The following DAPK1 variants were observed in gnomAD, a reference collection of about 807,000 sequenced individuals.
DAPK1 encodes the protein death associated protein kinase 1, also known as death-associated protein kinase 1.
Under a neutral mutation model 144.9 loss-of-function variants are expected in DAPK1, and 56 were observed. The ratio of observed to expected loss-of-function variants is 0.39; its 90% confidence interval spans 0.31 to 0.48. The LOEUF is 0.48. DAPK1 is among the 20% of genes least tolerant of loss of function. The pLI, the probability that DAPK1 is intolerant of heterozygous loss-of-function variation, is 0.95. For missense variants in DAPK1, 1,454 were observed against 1,875.4 expected (o/e 0.78, Z 4.15); for synonymous variants, 690 against 749.0 (o/e 0.92, Z 1.29).
intron 2 of DAPK1, chr9:87,525,466 G>A (rs1322160379): frequency 6.3e-7 from 1 of 1,579,058 alleles, no homozygotes; most frequent in African/African-American, 1.3e-5. Context: ...GTTTCATTAA[G>A]TTGGACTAAA....
intron 2 of DAPK1, among the ~76,000 whole-genome samples, chr9:87,544,678 C>T (rs568313151): frequency 6.6e-6 from 1 of 152,144 alleles, no homozygotes; most frequent in Non-Finnish European, 1.5e-5. Flanking sequence ...CCCTACAGTC[C>T]TTTTTCTCGG....
rs1316250449 is a variant in DAPK1 at position 87,569,429 on chromosome 9, TCATCGCAGGTGCC to T, written c.63-35521_63-35509del. Among the ~76,000 whole-genome samples, 3 of 152,376 alleles carry T rather than the reference TCATCGCAGGTGCC, an allele frequency of 2.0e-5. No individual in the cohort carries two copies. In the East Asian group the frequency reaches 5.8e-4, roughly 29 times the overall value. On this transcript the variant is annotated intron_variant, in intron 2 of 25. Coordinates refer to ENST00000408954, the MANE Select transcript of DAPK1 (RefSeq NM_004938.4). ...TCAGGTGATCATTGACTTATGTGCTTCATCGCAGGTGCCCATATAGAAATACGCAGATAGGTTA... is the reference window on the plus strand; with the variant it reads ...TCAGGTGATCATTGACTTATGTGCTTCATATAGAAATACGCAGATAGGTTA...
At chr9:87,663,820 T>C (rs537699524) in intron 18 of DAPK1, among the ~76,000 whole-genome samples, 32 of 152,210 alleles carry the variant, frequency 2.1e-4, no homozygotes, top group Non-Finnish European at 3.8e-4. Flanking sequence ...TCCCCAGTGT[T>C]CAGCCTCTGC....
At chr9:87,574,625 G>C (rs1827474971) in intron 2 of DAPK1, among the ~76,000 whole-genome samples, 1 of 152,160 alleles carries the variant, frequency 6.6e-6, no homozygotes, top group Admixed American at 6.5e-5. Context: ...ATCTAAATTT[G>C]AAGGTAGAAG....
At chr9:87,499,244 C>T (rs1326486890) in intron 2 of DAPK1, 105 bp downstream of exon 2, 18 of 1,028,364 alleles carry the variant, frequency 1.8e-5, no homozygotes, top group African/African-American at 3.2e-5. Context: ...TCTCCCTCGC[C>T]CTTTCTGGAG....
rs753099755 is a variant in DAPK1 at position 87,648,812 on chromosome 9, G to A, written c.1361G>A (p.Arg454His). 5 of 1,614,222 alleles carry A rather than the reference G, an allele frequency of 3.1e-6. No homozygotes were observed. The South Asian group carries it at 3.3e-5, about 11-fold the overall frequency. ...SGEMALHVAA[R>H]YGHADVAQLL... ...GAGATGGCCCTCCACGTGGCAGCTC[G>A]CTATGGCCATGCTGACGTGGCTCAG... Residue 454 changes from arginine to histidine, a missense_variant, in exon 15 of 26, where the codon CGC (arginine) becomes CAC (histidine). Arg to His is a conservative substitution (Grantham distance 29, BLOSUM62 0). Transcript: ENST00000408954.
chr9:87,559,078 A>G (rs1826816077), intron 2 of DAPK1, among the ~76,000 whole-genome samples: 1 of 152,136 alleles, frequency 6.6e-6, no homozygotes, highest in Non-Finnish European at 1.5e-5. Flanking sequence ...CAACAAAATG[A>G]CAGTTGGCAT....
chr9:87,541,867 G>A (rs1156399082), intron 2 of DAPK1, among the ~76,000 whole-genome samples: 1 of 152,144 alleles, frequency 6.6e-6, no homozygotes, highest in Non-Finnish European at 1.5e-5. Context: ...TGTCTATATA[G>A]GCCATGCCTA....
chr9:87,599,712 T>G (rs1246208073), intron 2 of DAPK1, among the ~76,000 whole-genome samples: 1 of 152,198 alleles, frequency 6.6e-6, no homozygotes, highest in Non-Finnish European at 1.5e-5. Flanking sequence ...TTAGTGCATT[T>G]TTTGGGGAAA....
intron 2 of DAPK1, among the ~76,000 whole-genome samples, chr9:87,591,948 C>T (rs531598796): frequency 3.9e-5 from 6 of 152,288 alleles, no homozygotes; most frequent in Non-Finnish European, 7.3e-5. Context: ...AAACAGGGGG[C>T]CTGTGGTGAT....
intron 19 of DAPK1, among the ~76,000 whole-genome samples, chr9:87,673,868 C>A (rs1824264601): frequency 6.6e-6 from 1 of 152,122 alleles, no homozygotes; most frequent in South Asian, 2.1e-4. Flanking sequence ...TCCCTGAGAG[C>A]CCGCGCTTGG....
At chr9:87,683,081 A>ATTTAT (rs1341969084) in intron 20 of DAPK1, among the ~76,000 whole-genome samples, 6 of 109,460 alleles carry the variant, frequency 5.5e-5, no homozygotes, top group African/African-American at 1.8e-4. Context: ...AATTTATTTT[A>ATTTAT]TTTATTTTTT....
At chr9:87,532,345 A>G (rs1290990692) in intron 2 of DAPK1, among the ~76,000 whole-genome samples, 7 of 152,212 alleles carry the variant, frequency 4.6e-5, no homozygotes, top group African/African-American at 1.7e-4. Context: ...ACTGGAACAC[A>G]CCCATGCCCA....
At chr9:87,647,232 T>G in intron 13 of DAPK1, 73 bp from the exon 14 acceptor site, 1 of 1,177,826 alleles carries the variant, frequency 8.5e-7, no homozygotes, top group Non-Finnish European at 1.3e-6. Context: ...GAAATAACAG[T>G]GAGTCTGAGG....
intron 2 of DAPK1, among the ~76,000 whole-genome samples, chr9:87,592,515 C>G (rs1828174625): frequency 6.6e-6 from 1 of 152,226 alleles, no homozygotes; most frequent in South Asian, 2.1e-4. Flanking sequence ...ACCGCATTCG[C>G]ACAAATTGTA....
intron 9 of DAPK1, among the ~76,000 whole-genome samples, chr9:87,641,570 A>G (rs1028675877): frequency 1.5e-4 from 23 of 152,178 alleles, no homozygotes; most frequent in Admixed American, 6.5e-5. Flanking sequence ...AAGATACAAT[A>G]CAAGGAATTC....
intron 3 of DAPK1, among the ~76,000 whole-genome samples, chr9:87,614,607 C>T (rs896593694): frequency 6.6e-6 from 1 of 152,208 alleles, no homozygotes; most frequent in African/African-American, 2.4e-5. Context: ...CCAACTGCTT[C>T]CCCAACCTGC....
intron 25 of DAPK1, 130 bp downstream of exon 25, chr9:87,703,347 A>G (rs1445966055): frequency 1.5e-5 from 9 of 607,356 alleles, no homozygotes; most frequent in Non-Finnish European, 1.5e-5. Context: ...AACCTACAAC[A>G]TTTCCACACG....
intron 2 of DAPK1, among the ~76,000 whole-genome samples, chr9:87,588,850 T>G (rs1033151448): frequency 6.6e-6 from 1 of 151,398 alleles, no homozygotes; most frequent in Admixed American, 6.6e-5. Flanking sequence ...AATGAAAATC[T>G]CCATGAGAAC....
Sources: gnomAD v4.1 joint callset for allele counts (sites outside exome capture counted in the v4.1 genomes callset) on GRCh38, gnomAD v4.1.1 for gene constraint, MANE v1.5 for transcripts, NCBI Gene and HGNC (gene_info 2026-07-23, HGNC 2026-07-21) for gene names.